SORT1: variants seen among roughly 807,000 people sequenced by gnomAD.
The protein encoded by SORT1 is sortilin 1, also known as sortilin.
Under a neutral mutation model 101.7 loss-of-function variants are expected in SORT1, and 39 were observed. The ratio of observed to expected loss-of-function variants is 0.38; its 90% CI spans 0.30 to 0.50. The LOEUF is 0.50. Ranked by LOEUF, SORT1 falls within the 20% of genes least tolerant of loss-of-function variation. The pLI is 0.90. For synonymous variants in SORT1, 396 were observed against 393.7 expected, an observed-to-expected ratio of 1.01 and a Z score of -0.07; for missense variants, 878 against 1,040.4, an observed-to-expected ratio of 0.84 and a Z score of 2.15.
chr1:109,383,316 A>C (rs1040566392), intron 1 of SORT1, among the ~76,000 whole-genome samples: 1 of 152,196 alleles, frequency 6.6e-6, no homozygotes, highest in Non-Finnish European at 1.5e-5. Flanking sequence ...GCCCTCTTTC[A>C]ACAAATATGT....
intron 3 of SORT1, among the ~76,000 whole-genome samples, chr1:109,360,657 C>T (rs1457019133): frequency 6.6e-6 from 1 of 152,088 alleles, no homozygotes; most frequent in Non-Finnish European, 1.5e-5. Flanking sequence ...AGCTTGAAAA[C>T]AATTCTCTTT....
rs961502832 is a variant in SORT1, at chr1:109,390,296, C to T, written c.306+7291G>A. The stretch of plus-strand genomic sequence containing the variant: ...GCCCCAGTGCTTTGCTTTGTTTATG[C>T]ACAGGTCTGGACTCCACTCAGTACA... On this transcript the variant is annotated intron_variant, in intron 1 of 19. Transcript: ENST00000256637. 3.9e-5 allele frequency among the ~76,000 whole-genome samples: 6 copies of T among 152,186 alleles called. No individual in the cohort carries two copies. In the South Asian group the frequency reaches 1.0e-3, roughly 26 times the overall value.
chr1:109,376,181 T>A (rs906369533), intron 1 of SORT1, among the ~76,000 whole-genome samples: 6 of 151,780 alleles, frequency 4.0e-5, no homozygotes, highest in Non-Finnish European at 8.8e-5. Context: ...ATACAAAAAA[T>A]TAGCCGGGCG....
intron 1 of SORT1, among the ~76,000 whole-genome samples, chr1:109,377,877 T>C (rs1651963943): frequency 1.3e-5 from 2 of 152,146 alleles, no homozygotes; most frequent in African/African-American, 2.4e-5. Flanking sequence ...AATCTATTAA[T>C]ATCACCATCT....
At chr1:109,368,293 CAAAAAAA>C (rs35637507) in intron 2 of SORT1, among the ~76,000 whole-genome samples, 27 of 59,438 alleles carry the variant, frequency 4.5e-4, no homozygotes, top group African/African-American at 1.4e-3. Flanking sequence ...GACTCTGTCT[CAAAAAAA>C]AAAAAAAAAA....
At chr1:109,367,882 G>A (rs113558077) in intron 2 of SORT1, among the ~76,000 whole-genome samples, 9 of 152,062 alleles carry the variant, frequency 5.9e-5, no homozygotes, top group East Asian at 1.9e-4. Flanking sequence ...TCTCCTTGCC[G>A]TTGGTTCTTC....
At chr1:109,343,750 T>C (rs1649392778) in intron 8 of SORT1, among the ~76,000 whole-genome samples, 1 of 152,098 alleles carries the variant, frequency 6.6e-6, no homozygotes, top group African/African-American at 2.4e-5. Context: ...CACAGTCCAG[T>C]TGATTCTTGT....
chr1:109,379,037 G>A (rs940992319), intron 1 of SORT1, among the ~76,000 whole-genome samples: 11 of 151,660 alleles, frequency 7.3e-5, no homozygotes, highest in African/African-American at 2.7e-4. Flanking sequence ...CAGCTACTGA[G>A]GAGGCTGAGG....
At chr1:109,389,317 G>A (rs1652766070) in intron 1 of SORT1, among the ~76,000 whole-genome samples, 1 of 150,636 alleles carries the variant, frequency 6.6e-6, no homozygotes, top group African/African-American at 2.4e-5. Context: ...GGCTAGTTGA[G>A]CTCTGTTGAG....
In SORT1 at chr1:109,330,369, G is replaced by A. The variant is rs115853467; in HGVS notation, c.1372-2768C>T. Among the ~76,000 whole-genome samples, 394 of 152,124 alleles carry A rather than the reference G, an allele frequency of 2.6e-3. 2 individuals carry two copies. The highest frequency in any genetic ancestry group is 5.0e-3 in the Non-Finnish European group (340 of 68,002). ...AAAATTGGAAAATTCACATGAATGT[G>A]GAAATTGAACAACATATTCTTGAAC... On this transcript the variant is annotated intron_variant, in intron 11 of 19. Coordinates refer to ENST00000256637, the MANE Select transcript of SORT1 (RefSeq NM_002959.7).
chr1:109,314,919 C>A, intron 17 of SORT1, 141 bp from the exon 18 acceptor site: 1 of 559,216 alleles, frequency 1.8e-6, no homozygotes, highest in East Asian at 3.1e-5. Flanking sequence ...TTTCCAACCC[C>A]CCAAGATGAA....
chr1:109,332,956 T>A (rs1196637272), intron 11 of SORT1, among the ~76,000 whole-genome samples: 3 of 151,922 alleles, frequency 2.0e-5, no homozygotes, highest in Non-Finnish European at 4.4e-5. Flanking sequence ...TGAGATGGAG[T>A]CTTGCTCTGT....
Position 109,367,369 on chromosome 1 carries a change from T to C in SORT1, c.440+39A>G, listed in dbSNP as rs753889039. ...AAGGGAGAATCTATATTCTCAATGT[T>C]ACTTAGTGAAATGCTCCAACGCGTG... On this transcript the variant is annotated intron_variant, in intron 3 of 19. Coordinates refer to ENST00000256637, the MANE Select transcript of SORT1 (RefSeq NM_002959.7). 7.0e-6 allele frequency: 8 copies of C among 1,145,156 alleles called. No individual in the cohort carries two copies. In the East Asian group the frequency reaches 1.2e-4, roughly 17 times the overall value. 70.9% of individuals were successfully genotyped at this position (1,145,156 alleles called of 1,614,324 possible). A position where few individuals can be genotyped will look rare whatever the true frequency, so the allele number is the denominator to read the frequency against.
chr1:109,326,464 T>C lies in SORT1; in HGVS notation c.1643+528A>G, dbSNP rs1389311406. On this transcript the variant is annotated intron_variant, in intron 13 of 19. Transcript: ENST00000256637. ...ATATATATATATATATATATATATA[T>C]ACATACACACACACACACACATATA... is the stretch of plus-strand genomic sequence containing the variant. 4.1e-3 allele frequency among the ~76,000 whole-genome samples: 260 copies of C among 64,096 alleles called. 7 individuals are homozygous for C. Among genetic ancestry groups the C allele is most frequent in the African/African-American group, 0.013 (226 of 16,784 alleles). 42.0% of individuals were successfully genotyped at this position (64,096 alleles called of 152,430 possible). A position where few individuals can be genotyped will look rare whatever the true frequency, so the allele number is the denominator to read the frequency against.
chr1:109,367,964 A>C (rs560263886), intron 2 of SORT1, among the ~76,000 whole-genome samples: 1 of 152,174 alleles, frequency 6.6e-6, no homozygotes, highest in Non-Finnish European at 1.5e-5. Context: ...ATGGATTACT[A>C]TAAGAGTCTA....
chr1:109,314,893 G>A (rs747963024), intron 17 of SORT1, 115 bp from the exon 18 acceptor site: 4 of 587,266 alleles, frequency 6.8e-6, no homozygotes, highest in Admixed American at 2.5e-5. Context: ...GTCCTGATGC[G>A]CTTAATGATG....
chr1:109,380,298 A>G (rs1444637626), intron 1 of SORT1, among the ~76,000 whole-genome samples: 2 of 152,140 alleles, frequency 1.3e-5, no homozygotes, highest in Admixed American at 6.5e-5. Flanking sequence ...GTGTCAAAAA[A>G]TGATACTAGA....
intron 15 of SORT1, among the ~76,000 whole-genome samples, chr1:109,319,078 A>G (rs1037486385): frequency 4.6e-5 from 7 of 152,192 alleles, no homozygotes; most frequent in African/African-American, 1.7e-4. Flanking sequence ...GTGCCCAGCC[A>G]GCAATTCTTT....
chr1:109,332,571 T>TA (rs1176793580), intron 11 of SORT1, among the ~76,000 whole-genome samples: 1 of 151,926 alleles, frequency 6.6e-6, no homozygotes, highest in Non-Finnish European at 1.5e-5. Context: ...CTTTGCCTCT[T>TA]AAAAAAAATT....
Sources: gnomAD v4.1 joint callset for allele counts (sites outside exome capture counted in the v4.1 genomes callset) on GRCh38, gnomAD v4.1.1 for gene constraint, MANE v1.5 for transcripts, NCBI Gene and HGNC (gene_info 2026-07-23, HGNC 2026-07-21) for gene names.